YAP1: variants seen among roughly 807,000 people sequenced by gnomAD.
YAP1 encodes Yes1 associated transcriptional regulator, also known as transcriptional coactivator YAP1.
A neutral mutation model predicts 56.9 loss-of-function variants in YAP1; 5 were observed. The ratio of observed to expected loss-of-function variants is 0.09; its 90% CI spans 0.05 to 0.18. The LOEUF (loss-of-function observed/expected upper bound fraction) is 0.18, where lower values mean the gene tolerates loss of function less well. Ranked by LOEUF, YAP1 falls within the 10% of genes least tolerant of loss-of-function variation. The pLI, the probability that YAP1 is intolerant of heterozygous loss-of-function variation, is 1.00. For synonymous variants in YAP1, 265 were observed against 248.1 expected (o/e 1.07, Z -0.64); for missense variants, 539 against 651.8 (o/e 0.83, Z 1.88).
intron 2 of YAP1, among the ~76,000 whole-genome samples, chr11:102,138,053 A>G (rs1382998763): frequency 1.3e-5 from 2 of 152,024 alleles, no homozygotes; most frequent in Non-Finnish European, 2.9e-5. Context: ...ACGCCTGGCT[A>G]ATTTTTGTAT....
chr11:102,223,677 A>G lies in YAP1; in HGVS notation c.1088A>G (p.Asn363Ser). 1 of 1,614,192 alleles carries G rather than the reference A, an allele frequency of 6.2e-7. No individual in the cohort carries two copies. The highest frequency in any genetic ancestry group is 8.5e-7 in the Non-Finnish European group (1 of 1,180,024). The change falls in exon 7 of 9, where the codon AAT becomes AGT. Residue 363 changes from asparagine (N) to serine (S), a missense_variant. By Grantham distance (46) the Asn-to-Ser change is conservative. Transcript: ENST00000282441. Reference protein sequence around the residue: ...PTLEQDGGTQNPVSSPGMSQE... With the variant: ...PTLEQDGGTQSPVSSPGMSQE... ...CTGGAGCAGGATGGTGGGACTCAAAATCCAGTGTCTTCTCCCGGGATGTCT... is the reference window on the plus strand; with the variant it reads ...CTGGAGCAGGATGGTGGGACTCAAAGTCCAGTGTCTTCTCCCGGGATGTCT...
intron 3 of YAP1, among the ~76,000 whole-genome samples, chr11:102,183,262 C>G (rs1947737514): frequency 1.3e-5 from 2 of 152,104 alleles, no homozygotes; most frequent in Non-Finnish European, 2.9e-5. Flanking sequence ...ACGGCATATA[C>G]AAGGAGATGG....
intron 2 of YAP1, among the ~76,000 whole-genome samples, chr11:102,128,382 G>A (rs1944166939): frequency 6.6e-6 from 1 of 152,092 alleles, no homozygotes. Flanking sequence ...GGGTTTATCA[G>A]GGGTTTCCGC....
chr11:102,167,073 G>T (rs1946655180), intron 3 of YAP1, among the ~76,000 whole-genome samples: 1 of 152,168 alleles, frequency 6.6e-6, no homozygotes. Context: ...AGGTTGAAAT[G>T]GTAGATACTA....
intron 2 of YAP1, among the ~76,000 whole-genome samples, chr11:102,161,053 C>CTTTTTTTTTTTT (rs67023819): frequency 4.0e-5 from 3 of 75,488 alleles, no homozygotes; most frequent in Non-Finnish European, 4.7e-5. Flanking sequence ...TAATTTCTTT[C>CTTTTTTTTTTTT]TTTTTTTTTT....
rs1033236085 is a variant in YAP1, at chr11:102,176,495, C to A, written c.689-9523C>A. On this transcript the variant is annotated intron_variant, in intron 3 of 8. Transcript: ENST00000282441. ...AGGCACGGTGGCTCACGCCTGTAAT[C>A]CCAGCACTTTGGGAGGCAATGTGGG... 2.6e-5 allele frequency among the ~76,000 whole-genome samples: 4 copies of A among 151,894 alleles called. No individual in the cohort carries two copies. In the East Asian group the frequency reaches 7.7e-4, roughly 29 times the overall value.
intron 2 of YAP1, among the ~76,000 whole-genome samples, chr11:102,130,688 C>A (rs1251756717): frequency 2.0e-5 from 3 of 150,202 alleles, no homozygotes; most frequent in African/African-American, 7.3e-5. Context: ...CAGGCATGAG[C>A]CACCACACCT....
chr11:102,201,686 A>G (rs1020034030), intron 4 of YAP1, among the ~76,000 whole-genome samples: 1 of 152,180 alleles, frequency 6.6e-6, no homozygotes, highest in Admixed American at 6.5e-5. Flanking sequence ...GTTAGAACCC[A>G]GTTTTTCAGC....
chr11:102,169,720 G>A (rs900590228), intron 3 of YAP1, among the ~76,000 whole-genome samples: 3 of 152,006 alleles, frequency 2.0e-5, no homozygotes, highest in African/African-American at 7.2e-5. Context: ...CTATAAAATG[G>A]AAAAATAGTA....
chr11:102,111,594 G>T (rs1386012837), intron 1 of YAP1, among the ~76,000 whole-genome samples: 1 of 151,920 alleles, frequency 6.6e-6, no homozygotes, highest in Non-Finnish European at 1.5e-5. Context: ...CGCTCCCGCC[G>T]GGCCGGGCTG....
At chr11:102,193,736 A>G (rs1412447041) in intron 4 of YAP1, among the ~76,000 whole-genome samples, 1 of 152,236 alleles carries the variant, frequency 6.6e-6, no homozygotes, top group African/African-American at 2.4e-5. Context: ...AACGTCAATT[A>G]GATGATAGTT....
At chr11:102,131,627 G>A (rs1944371715) in intron 2 of YAP1, among the ~76,000 whole-genome samples, 1 of 152,158 alleles carries the variant, frequency 6.6e-6, no homozygotes. Flanking sequence ...ATTGATGACT[G>A]TAGTTTCTGC....
chr11:102,181,683 A>G (rs573982363), intron 3 of YAP1, among the ~76,000 whole-genome samples: 3 of 152,304 alleles, frequency 2.0e-5, no homozygotes, highest in African/African-American at 7.2e-5. Context: ...AGCAGACGTG[A>G]CTGTGTACTA....
chr11:102,143,253 A>G (rs1042310107), intron 2 of YAP1, among the ~76,000 whole-genome samples: 1 of 152,290 alleles, frequency 6.6e-6, no homozygotes, highest in East Asian at 1.9e-4. Context: ...GGTGATCAGT[A>G]AATACTTGTT....
chr11:102,130,720 C>CTTTTTTTTT (rs61175592), intron 2 of YAP1, among the ~76,000 whole-genome samples: 13 of 98,144 alleles, frequency 1.3e-4, no homozygotes, highest in Non-Finnish European at 2.4e-4. Flanking sequence ...GATAACTACT[C>CTTTTTTTTT]TTTTTTTTTT....
At chr11:102,148,710 C>T (rs193142566) in intron 2 of YAP1, among the ~76,000 whole-genome samples, 1 of 152,268 alleles carries the variant, frequency 6.6e-6, no homozygotes, top group East Asian at 1.9e-4. Flanking sequence ...CCTTTCCTCA[C>T]CTTCTGTCTG....
At position 102,197,163 on chromosome 11, in the gene YAP1, A is replaced by G. The variant is rs145674917; in HGVS notation, c.803-8730A>G. ...GTTTTGTAGTTTTGAGTACACTCGT[A>G]GGTATGAGGAAAACCCAAATATTTC... On this transcript the variant is annotated intron_variant, in intron 4 of 8. Coordinates refer to ENST00000282441, the MANE Select transcript of YAP1 (RefSeq NM_001130145.3). 3.5e-3 allele frequency among the ~76,000 whole-genome samples: 539 copies of G among 152,342 alleles called. 4 individuals are homozygous for G. Among genetic ancestry groups the G allele is most frequent in the African/African-American group, 0.012 (517 of 41,574 alleles).
intron 2 of YAP1, among the ~76,000 whole-genome samples, chr11:102,155,874 T>G (rs981648059): frequency 6.6e-6 from 1 of 152,192 alleles, no homozygotes; most frequent in African/African-American, 2.4e-5. Flanking sequence ...AGATCCTTAT[T>G]TGGAAGCCAC....
intron 2 of YAP1, among the ~76,000 whole-genome samples, chr11:102,155,249 C>T (rs941506671): frequency 1.3e-5 from 2 of 152,092 alleles, no homozygotes; most frequent in African/African-American, 4.8e-5. Flanking sequence ...AATAATGAAA[C>T]ATCAAAGTAA....
Sources: allele counts gnomAD v4.1 joint callset (sites outside exome capture counted in the v4.1 genomes callset), GRCh38; gene constraint gnomAD v4.1.1; transcripts MANE v1.5; gene names NCBI Gene and HGNC (gene_info 2026-07-23, HGNC 2026-07-21).